The following NEMP2 variants were observed in gnomAD, a reference collection of about 807,000 sequenced individuals.
NEMP2 encodes the protein nuclear envelope integral membrane protein 2, also known as UPF0571 transmembrane protein.
NEMP2 carries 53 observed loss-of-function variants against 54.2 expected under a neutral mutation model. The ratio of observed to expected loss-of-function variants is 0.98; its 90% CI spans 0.78 to 1.23. The LOEUF is 1.23. Among genes scored for constraint, NEMP2 ranks in the 50% most tolerant of loss-of-function variants. NEMP2 has a pLI of 0.00. For synonymous variants in NEMP2, 197 were observed against 190.3 expected (o/e 1.04, Z -0.29); for missense variants, 455 against 511.3 (o/e 0.89, Z 1.06).
At chr2:190,469,769 T>G in the NEMP2 span, 1 of 1,585,552 alleles carries the variant, frequency 6.3e-7, no homozygotes, top group Non-Finnish European at 8.6e-7. The surrounding 1 kb of genome is among the most constrained non-coding windows in gnomAD (Gnocchi z 5.3). Context: ...GTTCTGTACA[T>G]TGGCCTGGCC....
chr2:190,643,029 T>G, the NEMP2 span, among the ~76,000 whole-genome samples: 1 of 149,410 alleles, frequency 6.7e-6, no homozygotes, highest in Admixed American at 6.7e-5. Context: ...TAAGGTTTTT[T>G]TTTTTTTTTT....
chr2:190,619,860 CAG>C, the NEMP2 span, among the ~76,000 whole-genome samples: 4 of 152,042 alleles, frequency 2.6e-5, no homozygotes, highest in Non-Finnish European at 4.4e-5. The surrounding 1 kb of genome is among the most constrained non-coding windows in gnomAD (Gnocchi z 5.5). Flanking sequence ...TATGAAGTAA[CAG>C]AAAGTTGGAG....
At chr2:190,448,532 A>G in the NEMP2 span, among the ~76,000 whole-genome samples, 2 of 152,244 alleles carry the variant, frequency 1.3e-5, no homozygotes, top group Non-Finnish European at 2.9e-5. Context: ...TGTCAACACT[A>G]TGATGTTGAC....
the NEMP2 span, among the ~76,000 whole-genome samples, chr2:190,600,382 T>C: frequency 1.3e-5 from 2 of 152,052 alleles, no homozygotes; most frequent in Non-Finnish European, 2.9e-5. This position sits in a 1 kb window ranked among gnomAD's most constrained non-coding sequence, Gnocchi z 4.9. Context: ...TAGAAATTAT[T>C]TGTCTGGCGT....
rs892055143 is a variant in NEMP2 at position 190,506,658 on chromosome 2, T to A, written c.*2531A>T. 1.3e-5 allele frequency: 2 copies of A among 152,240 alleles called. No individual in the cohort carries two copies. Among genetic ancestry groups the A allele is most frequent in the African/African-American group, 4.8e-5 (2 of 41,468 alleles). The allele number at this position is 152,240 out of a possible 1,614,324, so 9.4% of individuals were successfully genotyped here. A position where few individuals can be genotyped will look rare whatever the true frequency, so the allele number is the denominator to read the frequency against. On this transcript the variant is annotated 3_prime_UTR_variant, in exon 9 of 9. Transcript: ENST00000409150. The surrounding 1 kb of genome is among the most constrained non-coding windows in gnomAD (Gnocchi z 6.3). ...AATTCACAAAGCATTTTTTGTGATA[T>A]GTAAAATGTGTTTTAAAACCTTTTA...
chr2:190,582,476 C>T, the NEMP2 span, among the ~76,000 whole-genome samples: 1 of 152,152 alleles, frequency 6.6e-6, no homozygotes, highest in African/African-American at 2.4e-5. This position sits in a 1 kb window ranked among gnomAD's most constrained non-coding sequence, Gnocchi z 4.6. Flanking sequence ...AATAAAAACC[C>T]ACTATCAATT....
chr2:190,517,563 G>A lies in NEMP2; in HGVS notation c.569C>T (p.Thr190Ile). The A allele has an allele frequency of 1.9e-6, 3 of 1,550,808 alleles. No individual in the cohort carries two copies. The highest frequency in any genetic ancestry group is 2.6e-6 in the Non-Finnish European group (3 of 1,146,616). Reference protein sequence around the residue: ...SSGTVLGVLMTLVFVLLLVKR... With the variant: ...SSGTVLGVLMILVFVLLLVKR... ...CACCAACAGCAAGACAAAGACTAAT[G>A]TCATTAGAACACCTAGCACAGTTCC... Residue 190 changes from threonine to isoleucine, a missense_variant, in exon 5 of 9, where the codon ACA (threonine) becomes ATA (isoleucine). Transcript: ENST00000409150.
In NEMP2 at chr2:190,534,624, A is replaced by C. The variant is rs1038101322; in HGVS notation, c.32T>G (p.Leu11Arg). 1.5e-6 allele frequency: 2 copies of C among 1,367,566 alleles called. No individual in the cohort carries two copies. The highest frequency in any genetic ancestry group is 1.7e-5 in the South Asian group (1 of 58,654). The allele number at this position is 1,367,566 out of a possible 1,614,324, so 84.7% of individuals were successfully genotyped here. Residue 11 changes from leucine to arginine, a missense_variant, in exon 1 of 9, where the codon CTG (leucine) becomes CGG (arginine). Physicochemically the swap from Leu to Arg is moderately radical, Grantham distance 102. This residue lies in a region of NEMP2 where 100 missense variants were observed against 80.2 expected (regional missense o/e 1.25). Coordinates refer to ENST00000409150, the MANE Select transcript of NEMP2 (RefSeq NM_001142645.2). ...TGTGGCCAGGGGCGGCAGCCAGAGC[A>C]GCAGCCACCACCGCCCTTGGCGCGG... MGPRQGRWWL[L>R]LWLPPLATLP... is the part of the protein sequence containing the mutation.
the NEMP2 span, among the ~76,000 whole-genome samples, chr2:190,573,181 T>C: frequency 6.6e-6 from 1 of 152,094 alleles, no homozygotes; most frequent in East Asian, 1.9e-4. Flanking sequence ...TTCCTAGCTA[T>C]ATAGCTGCAG....
downstream of NEMP2, among the ~76,000 whole-genome samples, chr2:190,502,703 G>A (rs1690077557): frequency 6.6e-6 from 1 of 152,180 alleles, no homozygotes; most frequent in Non-Finnish European, 1.5e-5. The surrounding 1 kb of genome is among the most constrained non-coding windows in gnomAD (Gnocchi z 4.4). Flanking sequence ...CTGAGGTACT[G>A]AGACCATTAC....
chr2:190,558,200 T>A, the NEMP2 span, among the ~76,000 whole-genome samples: 6 of 152,196 alleles, frequency 3.9e-5, no homozygotes. This position sits in a 1 kb window ranked among gnomAD's most constrained non-coding sequence, Gnocchi z 4.4. Flanking sequence ...GAAACCATCA[T>A]TCTCAGCAAA....
At chr2:190,433,325 AGAT>A in the NEMP2 span, 1 of 152,330 alleles carries the variant, frequency 6.6e-6, no homozygotes, top group African/African-American at 2.4e-5. This position sits in a 1 kb window ranked among gnomAD's most constrained non-coding sequence, Gnocchi z 4.5. Flanking sequence ...TTTTCTTTTC[AGAT>A]GATGAAATGG....
the NEMP2 span, among the ~76,000 whole-genome samples, chr2:190,458,244 A>G: frequency 6.6e-6 from 1 of 152,178 alleles, no homozygotes; most frequent in Non-Finnish European, 1.5e-5. This position sits in a 1 kb window ranked among gnomAD's most constrained non-coding sequence, Gnocchi z 5.3. Flanking sequence ...TCAGAGTGTG[A>G]CCATATTTAA....
the NEMP2 span, among the ~76,000 whole-genome samples, chr2:190,551,079 T>A: frequency 1.8e-5 from 2 of 108,218 alleles, no homozygotes; most frequent in Non-Finnish European, 3.9e-5. Context: ...TCATAGCCAA[T>A]GGACTTTTTT....
the NEMP2 span, among the ~76,000 whole-genome samples, chr2:190,545,645 T>A: frequency 6.6e-6 from 1 of 152,210 alleles, no homozygotes; most frequent in Non-Finnish European, 1.5e-5. Flanking sequence ...TGCAGAAAAT[T>A]CTTCAATCTA....
the NEMP2 span, among the ~76,000 whole-genome samples, chr2:190,479,459 T>C: frequency 6.6e-6 from 1 of 152,242 alleles, no homozygotes; most frequent in Admixed American, 6.5e-5. Flanking sequence ...TATATTTATT[T>C]CTCAAGACCT....
chr2:190,601,908 T>C, the NEMP2 span, among the ~76,000 whole-genome samples: 1 of 152,344 alleles, frequency 6.6e-6, no homozygotes, highest in Non-Finnish European at 1.5e-5. This position sits in a 1 kb window ranked among gnomAD's most constrained non-coding sequence, Gnocchi z 5.8. Context: ...GGTAGAATTT[T>C]GGAAGAATCT....
Position 190,529,110 on chromosome 2 carries a change from G to A in NEMP2, c.98-3732C>T, listed in dbSNP as rs1375518972. ...GTAATTTCGCTTGAACCTGGGAGGCGAGGTTGCAGTGAGCTGAGATCACAC... is the reference window on the plus strand; with the variant it reads ...GTAATTTCGCTTGAACCTGGGAGGCAAGGTTGCAGTGAGCTGAGATCACAC... On this transcript the variant is annotated intron_variant, in intron 1 of 8. Transcript: ENST00000409150. The surrounding 1 kb of genome is among the most constrained non-coding windows in gnomAD (Gnocchi z 4.7). Among the ~76,000 whole-genome samples the A allele has an allele frequency of 1.3e-5, 2 of 152,118 alleles. No homozygotes were observed. The highest frequency in any genetic ancestry group is 2.4e-5 in the African/African-American group (1 of 41,406).
chr2:190,535,566 G>A (rs980385610), upstream of NEMP2, among the ~76,000 whole-genome samples: 19 of 152,012 alleles, frequency 1.2e-4, no homozygotes, highest in African/African-American at 4.6e-4. Context: ...CTCTAATTCT[G>A]GTCTTTTGGT....
Sources: allele counts gnomAD v4.1 joint callset (sites outside exome capture counted in the v4.1 genomes callset), GRCh38; gene constraint gnomAD v4.1.1; regional missense constraint gnomAD v4.1.1; non-coding constraint Gnocchi (gnomAD v3.1); transcripts MANE v1.5; gene names NCBI Gene and HGNC (gene_info 2026-07-23, HGNC 2026-07-21).